Variants in PCSK5 observed in about 807,000 individuals in gnomAD.
PCSK5 encodes the protein prohormone convertase 5.
In PCSK5, 129 loss-of-function variants were observed where a neutral mutation model predicts 233.2. That is an observed-to-expected ratio of 0.55 (90% CI 0.48 to 0.64). PCSK5 has a LOEUF of 0.64. PCSK5 is among the 30% of genes least tolerant of loss of function. The pLI is 0.00. For missense variants in PCSK5, 2,076 were observed against 2,430.1 expected (o/e 0.85, Z 3.06); for synonymous variants, 825 against 879.2 (o/e 0.94, Z 1.09).
intron 27 of PCSK5, among the ~76,000 whole-genome samples, chr9:76,297,136 A>G (rs951287248): frequency 3.9e-5 from 6 of 152,168 alleles, no homozygotes; most frequent in African/African-American, 1.4e-4. Context: ...ACCTGGGTGA[A>G]GCAGGCCCGG....
intron 24 of PCSK5, among the ~76,000 whole-genome samples, chr9:76,253,368 T>TA (rs996277985): frequency 6.6e-6 from 1 of 152,162 alleles, no homozygotes; most frequent in Non-Finnish European, 1.5e-5. Context: ...GTTCTGTCTT[T>TA]AAAAAAATTA....
intron 7 of PCSK5, among the ~76,000 whole-genome samples, chr9:76,087,513 G>A (rs189765337): frequency 6.6e-6 from 1 of 152,190 alleles, no homozygotes; most frequent in East Asian, 1.9e-4. Context: ...TCATGGACTA[G>A]GATATGAACA....
intron 2 of PCSK5, among the ~76,000 whole-genome samples, chr9:75,944,999 C>T (rs1376350068): frequency 6.6e-6 from 1 of 151,818 alleles, no homozygotes; most frequent in Non-Finnish European, 1.5e-5. Context: ...ATCCCAACTA[C>T]TCGGGAGGCT....
intron 2 of PCSK5, among the ~76,000 whole-genome samples, chr9:75,954,415 C>T (rs1484580965): frequency 6.6e-6 from 1 of 152,056 alleles, no homozygotes; most frequent in Non-Finnish European, 1.5e-5. Flanking sequence ...TTGAATATCT[C>T]CCCCTCCCGC....
At chr9:76,112,962 A>C (rs1832283657) in intron 9 of PCSK5, among the ~76,000 whole-genome samples, 1 of 152,216 alleles carries the variant, frequency 6.6e-6, no homozygotes, top group African/African-American at 2.4e-5. Flanking sequence ...AACAAGGTCC[A>C]TTCTCAACAA....
At chr9:76,263,649 G>A (rs1827250304) in intron 24 of PCSK5, among the ~76,000 whole-genome samples, 1 of 151,562 alleles carries the variant, frequency 6.6e-6, no homozygotes, top group African/African-American at 2.4e-5. Context: ...GAGTGGGGAG[G>A]GATAGCATTA....
In PCSK5 at chr9:76,051,041, C is replaced by G. The variant is rs182219159; in HGVS notation, c.633-16914C>G. On this transcript the variant is annotated intron_variant, in intron 5 of 37. Coordinates refer to ENST00000674117, the MANE Select transcript of PCSK5 (RefSeq NM_001372043.1). ...GCCTATGAATATAACTTCCAAAGCC[C>G]TGCAAAGAAGGCCACACTCCATTTC... 3.0e-3 allele frequency among the ~76,000 whole-genome samples: 455 copies of G among 152,264 alleles called. 3 individuals carry two copies. Among genetic ancestry groups the G allele is most frequent in the African/African-American group, 0.01 (427 of 41,562 alleles).
intron 2 of PCSK5, among the ~76,000 whole-genome samples, chr9:75,944,323 T>G (rs1478420350): frequency 6.6e-6 from 1 of 152,106 alleles, no homozygotes; most frequent in Non-Finnish European, 1.5e-5. Context: ...ATGTGGCTAT[T>G]GTTTTATGCA....
chr9:76,081,412 C>G (rs1206266730), intron 7 of PCSK5, among the ~76,000 whole-genome samples: 2 of 151,964 alleles, frequency 1.3e-5, no homozygotes, highest in East Asian at 3.9e-4. Context: ...TGAGATTGCG[C>G]CATTGCACTC....
rs185301724 is a variant in PCSK5 at position 76,081,498 on chromosome 9, A to C, written c.894+9600A>C. On this transcript the variant is annotated intron_variant, in intron 7 of 37. Transcript: ENST00000674117. ...AAACAAACAAACAAATAAATAAATA[A>C]ATAAATACATAAAAGCATATTAAGG... Among the ~76,000 whole-genome samples, 555 of 152,108 alleles carry C rather than the reference A, an allele frequency of 3.6e-3. 1 individual carries two copies. Among genetic ancestry groups the C allele is most frequent in the Middle Eastern group, 0.034 (10 of 294 alleles).
chr9:76,132,287 A>G (rs1156848165), intron 9 of PCSK5, among the ~76,000 whole-genome samples: 1 of 152,066 alleles, frequency 6.6e-6, no homozygotes, highest in Non-Finnish European at 1.5e-5. Flanking sequence ...ATTCCACCAA[A>G]CAGCCTGCCT....
chr9:76,091,192 T>C (rs181543226), intron 7 of PCSK5, among the ~76,000 whole-genome samples: 1 of 152,258 alleles, frequency 6.6e-6, no homozygotes, highest in African/African-American at 2.4e-5. Flanking sequence ...TTCTTATAGT[T>C]CTGGAGGCTG....
intron 30 of PCSK5, among the ~76,000 whole-genome samples, chr9:76,312,902 A>G (rs1828904108): frequency 6.6e-6 from 1 of 152,206 alleles, no homozygotes; most frequent in South Asian, 2.1e-4. Flanking sequence ...AATGCTTACA[A>G]TCCACTAAGG....
At chr9:76,154,732 C>T (rs1410905843) in intron 10 of PCSK5, among the ~76,000 whole-genome samples, 1 of 152,042 alleles carries the variant, frequency 6.6e-6, no homozygotes, top group Non-Finnish European at 1.5e-5. Flanking sequence ...TTTCAATTTC[C>T]CCAGGGTAGG....
chr9:75,997,857 C>T (rs1010480533), intron 3 of PCSK5, among the ~76,000 whole-genome samples: 1 of 152,144 alleles, frequency 6.6e-6, no homozygotes, highest in Non-Finnish European at 1.5e-5. Context: ...ACAAGAGTTA[C>T]AGAATAATCT....
intron 20 of PCSK5, among the ~76,000 whole-genome samples, chr9:76,215,501 T>C (rs778046418): frequency 6.6e-6 from 1 of 152,170 alleles, no homozygotes; most frequent in Non-Finnish European, 1.5e-5. Flanking sequence ...CTTGTTTCAC[T>C]GGTTGCTTGT....
intron 10 of PCSK5, among the ~76,000 whole-genome samples, chr9:76,147,992 A>T (rs1823510855): frequency 6.6e-6 from 1 of 152,058 alleles, no homozygotes; most frequent in South Asian, 2.1e-4. Context: ...TTTCACAGCT[A>T]AAAATTCCCT....
intron 1 of PCSK5, among the ~76,000 whole-genome samples, chr9:75,911,201 GTTTTTTTTTTTTTTTTTTTT>G (rs71370772): frequency 4.5e-4 from 22 of 48,766 alleles, no homozygotes; most frequent in African/African-American, 1.8e-3. Context: ...GAACATATAG[GTTTTTTTTTTTTTTTTTTTT>G]TTTTTTTTTT....
intron 20 of PCSK5, chr9:76,193,366 ATTTC>A (rs1564097610): frequency 6.2e-7 from 1 of 1,602,562 alleles, no homozygotes; most frequent in African/African-American, 1.4e-5. Flanking sequence ...GCCATCTTAG[ATTTC>A]TTTGTTCCTG....
Sources: allele counts gnomAD v4.1 joint callset (sites outside exome capture counted in the v4.1 genomes callset), GRCh38; gene constraint gnomAD v4.1.1; transcripts MANE v1.5; gene names NCBI Gene and HGNC (gene_info 2026-07-23, HGNC 2026-07-21).